Variants in C2orf78 observed in about 807,000 individuals in gnomAD.
C2orf78 encodes uncharacterized protein C2orf78.
Under a neutral mutation model 21.4 loss-of-function variants are expected in C2orf78, and 12 were observed. That is an observed-to-expected ratio of 0.56 (90% CI 0.36 to 0.91). The LOEUF (loss-of-function observed/expected upper bound fraction) is 0.91. Ranked by LOEUF, C2orf78 falls within the 40% of genes least tolerant of loss-of-function variation. The pLI, the probability that C2orf78 is intolerant of heterozygous loss-of-function variation, is 0.01. For synonymous variants in C2orf78, 396 were observed against 413.9 expected (o/e 0.96, Z 0.52); for missense variants, 1,042 against 1,092.4 (o/e 0.95, Z 0.65).
intron 1 of C2orf78, among the ~76,000 whole-genome samples, chr2:73,812,025 CTG>C (rs1673099436): frequency 6.6e-6 from 1 of 152,054 alleles, no homozygotes; most frequent in African/African-American, 2.4e-5. Context: ...CTGCATTTTT[CTG>C]TTTCTTACAT....
At chr2:73,814,190 G>A (rs918301911) in exon 2 of C2orf78, 19 of 1,594,098 alleles carry the variant, frequency 1.2e-5, no homozygotes, top group Non-Finnish European at 1.5e-5. Flanking sequence ...GTATTACTCT[G>A]TGTCTTCTCA....
Position 73,816,290 on chromosome 2 carries a change from C to T in C2orf78, c.2067C>T (p.Val689=), listed in dbSNP as rs370706071. 1.1e-4 allele frequency: 184 copies of T among 1,613,906 alleles called. 1 individual carries two copies. The African/African-American group carries it at 2.2e-3, about 20-fold the overall frequency. ...GTAAAGGCCCGGAGAAAATTCAAGT[C>T]AAGGCCCAGAAACTAGATGGTAGTG... The change falls in exon 3 of 3, where the codon GTC becomes GTT. Residue 689 remains valine, a synonymous_variant. Transcript: ENST00000409561.
At chr2:73,813,965 C>A (rs1435527571) in exon 2 of C2orf78, 2 of 1,614,046 alleles carry the variant, frequency 1.2e-6, no homozygotes, top group Admixed American at 1.7e-5. Context: ...AATTCCAAAT[C>A]AGCAGGGCCA....
chr2:73,784,455 C>T (rs1252683700), intron 1 of C2orf78, 49 bp downstream of exon 1: 1 of 610,632 alleles, frequency 1.6e-6, no homozygotes, highest in African/African-American at 1.9e-5. Context: ...TTCTTTGCCA[C>T]TAAATTTAGA....
chr2:73,786,224 A>T (rs1451906765), intron 1 of C2orf78, among the ~76,000 whole-genome samples: 1 of 151,708 alleles, frequency 6.6e-6, no homozygotes, highest in African/African-American at 2.4e-5. Context: ...TCCTGAAAAT[A>T]TAAGAATTAG....
At chr2:73,816,606 A>G in exon 3 of C2orf78, 1 of 1,612,980 alleles carries the variant, frequency 6.2e-7, no homozygotes, top group East Asian at 2.2e-5. Flanking sequence ...AACCCAACCC[A>G]GTTCAGCCAA....
chr2:73,816,710 C>T, exon 3 of C2orf78: 2 of 1,614,008 alleles, frequency 1.2e-6, no homozygotes. Flanking sequence ...AGCCTGTTTC[C>T]ACTGCTGTGA....
At chr2:73,810,475 C>G (rs1333847306) in intron 1 of C2orf78, among the ~76,000 whole-genome samples, 2 of 149,702 alleles carry the variant, frequency 1.3e-5, no homozygotes, top group African/African-American at 2.5e-5. Flanking sequence ...TGCAGTGAGC[C>G]TAGATCATGC....
At chr2:73,815,529 G>A in exon 3 of C2orf78, 1 of 1,613,968 alleles carries the variant, frequency 6.2e-7, no homozygotes, top group Non-Finnish European at 8.5e-7. Flanking sequence ...AAATGGGATT[G>A]AGTCTAGCAG....
intron 1 of C2orf78, 52 bp from the exon 2 acceptor site, chr2:73,813,425 T>G: frequency 6.8e-7 from 1 of 1,480,126 alleles, no homozygotes; most frequent in East Asian, 2.3e-5. Flanking sequence ...TCCAATAAGG[T>G]GAGAATTTTT....
intron 2 of C2orf78, 57 bp from the exon 3 acceptor site, chr2:73,815,014 G>A: frequency 3.3e-6 from 5 of 1,519,274 alleles, no homozygotes; most frequent in Non-Finnish European, 4.5e-6. Context: ...CTGCACTGGT[G>A]TGTAGGGGGA....
At position 73,786,035 on chromosome 2, in the gene C2orf78, A is replaced by G. The variant is rs1042768483; in HGVS notation, c.97+1629A>G. On this transcript the variant is annotated intron_variant, in intron 1 of 2. Transcript: ENST00000409561. ...CACTCCAGCCTGGGCAATAAGAGGG[A>G]AACTCCGCTTCAAAAAGAAAAAAAA... Among the ~76,000 whole-genome samples the G allele has an allele frequency of 8.6e-5, 13 of 151,742 alleles. 1 individual carries two copies. The highest frequency in any genetic ancestry group is 2.7e-4 in the African/African-American group (11 of 41,236).
rs576880401 is a variant in C2orf78 at position 73,808,273 on chromosome 2, A to G, written c.98-5204A>G. Among the ~76,000 whole-genome samples, 8 of 150,222 alleles carry G rather than the reference A, an allele frequency of 5.3e-5. 1 individual carries two copies. The highest frequency in any genetic ancestry group is 2.0e-4 in the African/African-American group (8 of 39,636). ...CATCTCACAAAAAATTCAATAAAAT[A>G]AAAAAGCAGCAGTAAATTCATTAAT... On this transcript the variant is annotated intron_variant, in intron 1 of 2. Transcript: ENST00000409561.
intron 1 of C2orf78, among the ~76,000 whole-genome samples, chr2:73,811,183 T>A (rs1383589543): frequency 6.6e-6 from 1 of 151,434 alleles, no homozygotes; most frequent in Non-Finnish European, 1.5e-5. Context: ...CCCAGCTACT[T>A]GGGAGGCTTA....
chr2:73,816,940 T>C (rs762272994), exon 3 of C2orf78: 15 of 1,611,848 alleles, frequency 9.3e-6, no homozygotes, highest in Middle Eastern at 1.6e-4. Flanking sequence ...CAGTTTTTCA[T>C]TGAAAGGGAA....
exon 3 of C2orf78, chr2:73,815,819 T>C (rs1673182460): frequency 1.2e-6 from 2 of 1,613,744 alleles, no homozygotes; most frequent in African/African-American, 1.3e-5. Context: ...GAGAAGTGGT[T>C]GTTGGCAGTG....
At chr2:73,812,567 G>A (rs930452805) in intron 1 of C2orf78, among the ~76,000 whole-genome samples, 4 of 152,134 alleles carry the variant, frequency 2.6e-5, no homozygotes, top group East Asian at 1.9e-4. Context: ...TTGGGACACC[G>A]AGGCAGGCAG....
At chr2:73,815,456 T>C in exon 3 of C2orf78, 1 of 1,613,956 alleles carries the variant, frequency 6.2e-7, no homozygotes. Flanking sequence ...AGGAGCAGCC[T>C]GGTTCTGAAA....
At chr2:73,784,865 G>A (rs1012476991) in intron 1 of C2orf78, among the ~76,000 whole-genome samples, 64 of 151,354 alleles carry the variant, frequency 4.2e-4, no homozygotes, top group Non-Finnish European at 4.1e-4. Flanking sequence ...GTTTAGTGAT[G>A]TTTTAAATAA....
Sources: gnomAD v4.1 joint callset for allele counts (sites outside exome capture counted in the v4.1 genomes callset) on GRCh38, gnomAD v4.1.1 for gene constraint, MANE v1.5 for transcripts, NCBI Gene and HGNC (gene_info 2026-07-23, HGNC 2026-07-21) for gene names.